CIITA: variants seen among roughly 807,000 people sequenced by gnomAD.
CIITA encodes the protein MHC class II transactivator.
A neutral mutation model predicts 115.1 loss-of-function variants in CIITA; 72 were observed. That is an observed-to-expected ratio of 0.63 (90% confidence interval 0.52 to 0.76). The LOEUF is 0.76. Among genes scored for constraint, CIITA ranks in the 30% least tolerant of loss-of-function variants. CIITA has a pLI of 0.00. For synonymous variants in CIITA, 763 were observed against 635.6 expected (o/e 1.20, Z -3.02); for missense variants, 1,617 against 1,463.8 (o/e 1.10, Z -1.71).
Position 10,907,772 on chromosome 16 carries a change from G to C in CIITA, c.2280G>C (p.Gly760=), listed in dbSNP as rs534878029. The C allele has an allele frequency of 6.2e-7, 1 of 1,614,224 alleles. No individual in the cohort carries two copies. Among genetic ancestry groups the C allele is most frequent in the East Asian group, 2.2e-5 (1 of 44,884 alleles). ...WLEGVPRFLA[G]LIFQPPARCL... ...AGGGCGTGCCACGCTTTCTGGCTGG[G>C]CTGATCTTCCAGCCTCCCGCCCGCT... Residue 760 remains glycine, a synonymous_variant, in exon 11 of 20, where the codon GGG becomes GGC. Transcript: ENST00000324288. This position sits in a 1 kb window ranked among gnomAD's most constrained non-coding sequence, Gnocchi z 5.0.
At chr16:10,884,244 T>C (rs544813382) in intron 1 of CIITA, among the ~76,000 whole-genome samples, 1 of 149,832 alleles carries the variant, frequency 6.7e-6, no homozygotes, top group South Asian at 2.1e-4. Context: ...GAAGTTACTT[T>C]GTTTGCCAGA....
chr16:10,909,634 T>C (rs975681751), intron 12 of CIITA, among the ~76,000 whole-genome samples: 4 of 152,224 alleles, frequency 2.6e-5, no homozygotes, highest in African/African-American at 4.8e-5. Flanking sequence ...CATCACACAT[T>C]GTTTGAGCGC....
At chr16:10,873,274 T>C (rs8044378), upstream of CIITA, among the ~76,000 whole-genome samples, 2,396 of 152,312 alleles carry the variant, frequency 0.016, 62 homozygotes, top group African/African-American at 0.053. Flanking sequence ...ATAATGTGTC[T>C]TTCAAATGCT....
chr16:10,929,292 G>C lies in CIITA; in HGVS notation c.*5437G>C, dbSNP rs2040671708. ...CCTCTCCGAAGGTGAAGTGGGGGAA[G>C]CAGGTGCGCTCCGGGATGAAGTGCA... is the stretch of plus-strand genomic sequence containing the variant. On this transcript the variant is annotated 3_prime_UTR_variant, in exon 20 of 20. Transcript: ENST00000324288. The surrounding 1 kb of genome is among the most constrained non-coding windows in gnomAD (Gnocchi z 4.3). The C allele has an allele frequency of 2.0e-6, 2 of 985,860 alleles. No homozygotes were observed. Among genetic ancestry groups the C allele is most frequent in the South Asian group, 4.7e-5 (1 of 21,296 alleles). The allele number at this position is 985,860 out of a possible 1,614,324, so 61.1% of individuals were successfully genotyped here. A position where few individuals can be genotyped will look rare whatever the true frequency, so the allele number is the denominator to read the frequency against.
chr16:10,883,835 C>A (rs142715444), intron 1 of CIITA, among the ~76,000 whole-genome samples: 82 of 152,302 alleles, frequency 5.4e-4, no homozygotes, highest in African/African-American at 1.7e-3. Flanking sequence ...CAACAGAGGT[C>A]TTAGCCAATC....
Position 10,901,233 on chromosome 16 carries a change from CTTTGTTTTGT to C in CIITA, c.437-267_437-258del, listed in dbSNP as rs1203954688. 1.3e-5 allele frequency among the ~76,000 whole-genome samples: 2 copies of C among 152,122 alleles called. No homozygotes were observed. Among genetic ancestry groups the C allele is most frequent in the Non-Finnish European group, 2.9e-5 (2 of 68,016 alleles). ...TAGGAAGCGGTTCAAAAGCAGGTTCCTTTGTTTTGTTTTGTTTTGTTTTTTGGCTCAAACC... is the reference window on the plus strand; with the variant it reads ...TAGGAAGCGGTTCAAAAGCAGGTTCCTTTGTTTTGTTTTTTGGCTCAAACC... On this transcript the variant is annotated intron_variant, in intron 5 of 19. Coordinates refer to ENST00000324288, the MANE Select transcript of CIITA (RefSeq NM_000246.4). The surrounding 1 kb of genome is among the most constrained non-coding windows in gnomAD (Gnocchi z 6.8).
In CIITA at chr16:10,906,524, A is replaced by G. The variant is rs753214558; in HGVS notation, c.1032A>G (p.Ser344=). The G allele has an allele frequency of 6.2e-7, 1 of 1,612,220 alleles. No homozygotes were observed. Among genetic ancestry groups the G allele is most frequent in the Non-Finnish European group, 8.5e-7 (1 of 1,179,908 alleles). The change falls in exon 11 of 20, where the codon TCA becomes TCG. Residue 344 remains serine, a synonymous_variant. Coordinates refer to ENST00000324288, the MANE Select transcript of CIITA (RefSeq NM_000246.4). ...WPEPVEQFYR[S]LQDTYGAEPA... ...AGCCGGTGGAGCAGTTCTACCGCTC[A>G]CTGCAGGACACGTATGGTGCCGAGC... is the stretch of plus-strand genomic sequence containing the variant.
At chr16:10,903,557 T>TA (rs1355839307) in intron 8 of CIITA, among the ~76,000 whole-genome samples, 174 bp from the exon 9 acceptor site, 1 of 152,208 alleles carries the variant, frequency 6.6e-6, no homozygotes, top group African/African-American at 2.4e-5. Context: ...GAGCTAGATG[T>TA]AACTCCAGAG....
intron 1 of CIITA, among the ~76,000 whole-genome samples, chr16:10,880,741 C>T (rs1460234087): frequency 6.6e-6 from 1 of 152,168 alleles, no homozygotes; most frequent in Non-Finnish European, 1.5e-5. Context: ...TGGATTAGTT[C>T]CAGGCAATCA....
At chr16:10,887,203 C>T (rs1163540884) in intron 1 of CIITA, among the ~76,000 whole-genome samples, 3 of 152,100 alleles carry the variant, frequency 2.0e-5, no homozygotes, top group Non-Finnish European at 2.9e-5. Flanking sequence ...ATTTGGCCCC[C>T]GGAAGCAGCT....
intron 5 of CIITA, among the ~76,000 whole-genome samples, chr16:10,900,645 T>C (rs985111242): frequency 6.6e-6 from 1 of 150,974 alleles, no homozygotes; most frequent in African/African-American, 2.4e-5. Flanking sequence ...GAGGCTAGGG[T>C]GGGAGAATCG....
At position 10,895,382 on chromosome 16, in the gene CIITA, T is replaced by C. The variant is rs907450507; in HGVS notation, c.153T>C (p.Tyr51=). 1 of 1,614,112 alleles carries C rather than the reference T, an allele frequency of 6.2e-7. No homozygotes were observed. The highest frequency in any genetic ancestry group is 8.5e-7 in the Non-Finnish European group (1 of 1,180,028). ...ACCCCCTGTGCCTCTACCACTTCTATGACCAGATGGACCTGGCTGGAGAAG... is the reference window on the plus strand; with the variant it reads ...ACCCCCTGTGCCTCTACCACTTCTACGACCAGATGGACCTGGCTGGAGAAG... The part of the protein sequence containing the change: ...DADPLCLYHF[Y]DQMDLAGEEE... The change falls in exon 2 of 20, where the codon TAT becomes TAC. Residue 51 remains tyrosine (Y), a synonymous_variant. Transcript: ENST00000324288.
chr16:10,918,666 G>T (rs147094875), intron 16 of CIITA, 140 bp downstream of exon 16: 2 of 708,250 alleles, frequency 2.8e-6, no homozygotes, highest in Non-Finnish European at 4.7e-6. Flanking sequence ...TTAGCGGGAC[G>T]TGGTGAAAGA....
At chr16:10,918,660 C>A in intron 16 of CIITA, 134 bp downstream of exon 16, 1 of 731,994 alleles carries the variant, frequency 1.4e-6, no homozygotes, top group Non-Finnish European at 2.3e-6. Context: ...AAAGGATTAG[C>A]GGGACGTGGT....
chr16:10,911,747 C>A (rs2039598158), intron 13 of CIITA, among the ~76,000 whole-genome samples: 1 of 151,906 alleles, frequency 6.6e-6, no homozygotes, highest in South Asian at 2.1e-4. Flanking sequence ...GACAGGATTT[C>A]ACCATGTTGC....
intron 1 of CIITA, among the ~76,000 whole-genome samples, chr16:10,882,477 C>T (rs1344670987): frequency 3.3e-5 from 5 of 152,170 alleles, no homozygotes; most frequent in African/African-American, 1.2e-4. Flanking sequence ...GCCTGTAATT[C>T]CATCACCTTG....
chr16:10,895,225 A>AT, intron 1 of CIITA, 57 bp from the exon 2 acceptor site: 1 of 1,607,332 alleles, frequency 6.2e-7, no homozygotes, highest in East Asian at 2.2e-5. Flanking sequence ...GTAGGTGTCA[A>AT]TTTTCTGCCT....
At chr16:10,895,215 G>T in intron 1 of CIITA, 67 bp from the exon 2 acceptor site, 2 of 1,589,402 alleles carry the variant, frequency 1.3e-6, no homozygotes, top group South Asian at 1.1e-5. Context: ...GGGAGTTGTT[G>T]TAGGTGTCAA....
chr16:10,904,889 T>C (rs926379706), intron 10 of CIITA, 77 bp downstream of exon 10: 3 of 1,435,086 alleles, frequency 2.1e-6, no homozygotes, highest in Non-Finnish European at 2.0e-6. Context: ...CTCATTCACT[T>C]GACACTTATT....
Sources: gnomAD v4.1 joint callset for allele counts (sites outside exome capture counted in the v4.1 genomes callset) on GRCh38, gnomAD v4.1.1 for gene constraint, Gnocchi (gnomAD v3.1) non-coding constraint, MANE v1.5 for transcripts, NCBI Gene and HGNC (gene_info 2026-07-23, HGNC 2026-07-21) for gene names.